Variants in RAPGEF5 observed in about 807,000 individuals in gnomAD.
RAPGEF5 encodes M-Ras-regulated GEF.
RAPGEF5 carries 65 observed loss-of-function variants against 125.2 expected under a neutral mutation model. The observed-to-expected ratio is 0.52, with a 90% CI of 0.43 to 0.64. RAPGEF5 has a LOEUF of 0.64. RAPGEF5 is among the 30% of genes least tolerant of loss of function. RAPGEF5 has a pLI of 0.00. For synonymous variants in RAPGEF5, 391 were observed against 385.9 expected, an observed-to-expected ratio of 1.01 and a Z score of -0.16; for missense variants, 958 against 1,048.1, an observed-to-expected ratio of 0.91 and a Z score of 1.19.
chr7:22,221,108 A>T (rs1272366811), intron 8 of RAPGEF5, among the ~76,000 whole-genome samples: 2 of 152,180 alleles, frequency 1.3e-5, no homozygotes, highest in African/African-American at 2.4e-5. Context: ...GAAATAAAAA[A>T]TTTCTGACGT....
At chr7:22,166,400 T>A (rs778197915) in intron 12 of RAPGEF5, among the ~76,000 whole-genome samples, 8 of 152,274 alleles carry the variant, frequency 5.3e-5, no homozygotes, top group African/African-American at 7.2e-5. Context: ...AGGAAGAAGA[T>A]CATTTGGAGA....
At chr7:22,218,876 T>C (rs1249796450) in intron 9 of RAPGEF5, among the ~76,000 whole-genome samples, 7 of 152,204 alleles carry the variant, frequency 4.6e-5, no homozygotes, top group Non-Finnish European at 1.5e-5. Context: ...ACACCAACTG[T>C]TACAATTCGA....
chr7:22,278,241 G>A (rs1169088084), intron 6 of RAPGEF5, among the ~76,000 whole-genome samples: 2 of 151,906 alleles, frequency 1.3e-5, no homozygotes, highest in South Asian at 2.1e-4. Flanking sequence ...CAAGTCTTAC[G>A]ATCTATCTAG....
intron 1 of RAPGEF5, among the ~76,000 whole-genome samples, chr7:22,334,985 A>G (rs77720727): frequency 0.059 from 8,957 of 152,254 alleles, 338 homozygotes; most frequent in Middle Eastern, 0.12. Context: ...CTTGTTTGCA[A>G]TTAAGACCCC....
chr7:22,313,707 T>C (rs13226008), intron 3 of RAPGEF5, among the ~76,000 whole-genome samples: 7,027 of 152,340 alleles, frequency 0.046, 441 homozygotes, highest in East Asian at 0.31. Flanking sequence ...ATGTTACACA[T>C]GGCCTCATGT....
At chr7:22,318,086 G>C (rs571587792) in intron 1 of RAPGEF5, 49 bp from the exon 2 acceptor site, 1 of 1,471,312 alleles carries the variant, frequency 6.8e-7, no homozygotes, top group South Asian at 1.4e-5. Flanking sequence ...ATAAACTTTT[G>C]TACCAAAAAA....
At chr7:22,306,496 A>C (rs1056565868) in intron 5 of RAPGEF5, among the ~76,000 whole-genome samples, 5 of 152,046 alleles carry the variant, frequency 3.3e-5, no homozygotes, top group African/African-American at 1.2e-4. Flanking sequence ...GCTTACAAAT[A>C]TTTTCTCCCA....
At chr7:22,194,485 C>G in intron 9 of RAPGEF5, 1 of 684,820 alleles carries the variant, frequency 1.5e-6, no homozygotes, top group Non-Finnish European at 1.8e-6. Flanking sequence ...TGAGTAAGCC[C>G]TATTCAGTAG....
intron 6 of RAPGEF5, among the ~76,000 whole-genome samples, chr7:22,289,431 T>C (rs1402047512): frequency 6.6e-6 from 1 of 152,234 alleles, no homozygotes; most frequent in Admixed American, 6.5e-5. Flanking sequence ...ATCTATAAAA[T>C]AGACATAATA....
At position 22,333,950 on chromosome 7, in the gene RAPGEF5, G is replaced by T. The variant is rs79606938; in HGVS notation, c.232-15913C>A. On this transcript the variant is annotated intron_variant, in intron 1 of 25. Transcript: ENST00000665637. ...TGCCCCAAGAAACGGTTAAACTACT[G>T]ACCCTGAAGGCAAAGGAGAGTCGGC... Among the ~76,000 whole-genome samples the T allele has an allele frequency of 4.9e-4, 74 of 152,368 alleles. 1 individual carries two copies. The East Asian group carries it at 0.012, about 25-fold the overall frequency.
At chr7:22,257,103 G>A (rs1786781290) in intron 7 of RAPGEF5, among the ~76,000 whole-genome samples, 1 of 152,152 alleles carries the variant, frequency 6.6e-6, no homozygotes, top group South Asian at 2.1e-4. Flanking sequence ...ACCTCTTGCA[G>A]TTAGACAGAA....
At chr7:22,166,086 T>A (rs928231283) in intron 12 of RAPGEF5, among the ~76,000 whole-genome samples, 7 of 147,266 alleles carry the variant, frequency 4.8e-5, no homozygotes, top group Non-Finnish European at 1.0e-4. Flanking sequence ...ATGTATCATA[T>A]ATATATATAT....
intron 19 of RAPGEF5, 78 bp from the exon 20 acceptor site, chr7:22,145,300 G>A: frequency 7.3e-7 from 1 of 1,370,494 alleles, no homozygotes; most frequent in Non-Finnish European, 9.9e-7. Flanking sequence ...AATTTTAAGA[G>A]CTACTTCAGG....
At chr7:22,129,551 T>C (rs1410869452) in intron 24 of RAPGEF5, among the ~76,000 whole-genome samples, 1 of 152,242 alleles carries the variant, frequency 6.6e-6, no homozygotes, top group African/African-American at 2.4e-5. Context: ...GCAAGAATTC[T>C]AGTGCCTGCA....
chr7:22,307,340 G>C (rs1783365765), intron 5 of RAPGEF5, among the ~76,000 whole-genome samples: 1 of 152,074 alleles, frequency 6.6e-6, no homozygotes, highest in African/African-American at 2.4e-5. Flanking sequence ...GTGGAGGTGA[G>C]GTGGTATCAG....
intron 11 of RAPGEF5, chr7:22,191,529 C>A (rs1402180951): frequency 3.2e-5 from 15 of 470,244 alleles, no homozygotes; most frequent in Non-Finnish European, 4.9e-5. Context: ...CCCAACCAAC[C>A]CCTTCTTCCC....
intron 23 of RAPGEF5, among the ~76,000 whole-genome samples, chr7:22,134,448 T>C (rs1055715853): frequency 6.6e-6 from 1 of 151,854 alleles, no homozygotes. Flanking sequence ...GAGGTCTCGA[T>C]AAACTCAGCA....
At chr7:22,161,400 G>A (rs1317492831) in intron 13 of RAPGEF5, among the ~76,000 whole-genome samples, 1 of 151,944 alleles carries the variant, frequency 6.6e-6, no homozygotes, top group Non-Finnish European at 1.5e-5. Context: ...AGCTGAGTGT[G>A]GTAGTGCATG....
chr7:22,290,926 C>G (rs1470871697), intron 6 of RAPGEF5, among the ~76,000 whole-genome samples: 1 of 151,998 alleles, frequency 6.6e-6, no homozygotes, highest in East Asian at 1.9e-4. Context: ...AAATCAGATA[C>G]TACACCTCCA....
Sources: allele counts gnomAD v4.1 joint callset (sites outside exome capture counted in the v4.1 genomes callset), GRCh38; gene constraint gnomAD v4.1.1; transcripts MANE v1.5; gene names NCBI Gene and HGNC (gene_info 2026-07-23, HGNC 2026-07-21).